CFAP300: variants seen among roughly 807,000 people sequenced by gnomAD.
The protein encoded by CFAP300 is cilia- and flagella-associated protein 300.
A neutral mutation model predicts 33.0 loss-of-function variants in CFAP300; 32 were observed. That is an observed-to-expected ratio of 0.97 (90% CI 0.73 to 1.30). The LOEUF (loss-of-function observed/expected upper bound fraction) is 1.30. Ranked by LOEUF, CFAP300 falls within the 50% of genes most tolerant of loss-of-function variation. The pLI, the probability that CFAP300 is intolerant of heterozygous loss-of-function variation, is 0.00. For missense variants in CFAP300, 356 were observed against 318.1 expected, an observed-to-expected ratio of 1.12 and a Z score of -0.90; for synonymous variants, 102 against 106.8, an observed-to-expected ratio of 0.95 and a Z score of 0.28.
intron 4 of CFAP300, among the ~76,000 whole-genome samples, chr11:102,074,130 C>A (rs964026469): frequency 7.0e-6 from 1 of 142,494 alleles, no homozygotes; most frequent in Non-Finnish European, 1.5e-5. Context: ...GATGCAGGGA[C>A]TTTTGGGCCC....
At chr11:102,047,973 T>G in intron 2 of CFAP300, 77 bp downstream of exon 2, 2 of 1,401,284 alleles carry the variant, frequency 1.4e-6, no homozygotes, top group Non-Finnish European at 2.0e-6. Context: ...TAGATTCTTG[T>G]GAACACGCTA....
In CFAP300 at chr11:102,081,218, T is replaced by C; in HGVS notation, c.612T>C (p.Val204=). Reference sequence around the variant, plus strand: ...CACCTTTTCTTCCTTTTTTTAGTGTTCGAAAGAATCCTCAAACCAAGAAAA... The same window carrying C: ...CACCTTTTCTTCCTTTTTTTAGTGTCCGAAAGAATCCTCAAACCAAGAAAA... The part of the protein sequence containing the change: ...TKLIYKDLVS[V]RKNPQTKKIQ... The change falls in exon 6 of 7, where the codon GTT becomes GTC. Residue 204 remains valine, a synonymous_variant. Transcript: ENST00000434758. The C allele has an allele frequency of 6.2e-7, 1 of 1,607,118 alleles. No individual in the cohort carries two copies. The highest frequency in any genetic ancestry group is 8.5e-7 in the Non-Finnish European group (1 of 1,178,360).
At chr11:102,055,869 C>T (rs1942048787) in intron 2 of CFAP300, among the ~76,000 whole-genome samples, 1 of 151,292 alleles carries the variant, frequency 6.6e-6, no homozygotes, top group Non-Finnish European at 1.5e-5. Context: ...CAGAGTTTCA[C>T]CGTGTTAGTC....
chr11:102,049,566 C>T (rs536396205), intron 2 of CFAP300, among the ~76,000 whole-genome samples: 1 of 152,120 alleles, frequency 6.6e-6, no homozygotes, highest in South Asian at 2.1e-4. Context: ...TATTATAATG[C>T]TACTGATAAT....
At chr11:102,051,312 T>C (rs1941966320) in intron 2 of CFAP300, among the ~76,000 whole-genome samples, 1 of 152,186 alleles carries the variant, frequency 6.6e-6, no homozygotes, top group Non-Finnish European at 1.5e-5. Flanking sequence ...ACCATGGGAC[T>C]GGGGATGATG....
intron 3 of CFAP300, among the ~76,000 whole-genome samples, chr11:102,063,256 C>T (rs1013835348): frequency 3.3e-5 from 5 of 152,242 alleles, no homozygotes; most frequent in Admixed American, 1.3e-4. Context: ...TATCCTTGAG[C>T]ATTTAAGATC....
intron 4 of CFAP300, among the ~76,000 whole-genome samples, chr11:102,072,816 A>G (rs1942333743): frequency 6.6e-6 from 1 of 151,998 alleles, no homozygotes; most frequent in Non-Finnish European, 1.5e-5. Flanking sequence ...AGATGTACTT[A>G]CGGTGTTCGT....
chr11:102,076,882 ATC>A (rs1301176280), intron 5 of CFAP300, among the ~76,000 whole-genome samples: 5 of 152,186 alleles, frequency 3.3e-5, no homozygotes, highest in Admixed American at 6.5e-5. Flanking sequence ...TGTTTCTATA[ATC>A]TCTCTGTGAT....
At chr11:102,047,955 A>T (rs7934495) in intron 2 of CFAP300, 59 bp downstream of exon 2, 2 of 1,538,852 alleles carry the variant, frequency 1.3e-6, no homozygotes, top group East Asian at 2.3e-5. Flanking sequence ...CTTCCCCCCA[A>T]GTTGGCATAG....
chr11:102,081,688 C>T (rs969452635), intron 6 of CFAP300, among the ~76,000 whole-genome samples: 1 of 151,958 alleles, frequency 6.6e-6, no homozygotes, highest in Non-Finnish European at 1.5e-5. Flanking sequence ...CTCAGGAGAT[C>T]GAGACCATCC....
chr11:102,055,047 C>G (rs184467116), intron 2 of CFAP300, among the ~76,000 whole-genome samples: 2 of 150,452 alleles, frequency 1.3e-5, no homozygotes, highest in Admixed American at 1.3e-4. Flanking sequence ...GTGGTGCGAT[C>G]TCAGCTCACT....
intron 6 of CFAP300, among the ~76,000 whole-genome samples, chr11:102,082,335 C>A (rs1942485930): frequency 6.6e-6 from 1 of 150,722 alleles, no homozygotes. Context: ...GTGGTGGTAC[C>A]AATACTGTAC....
chr11:102,080,667 T>A (rs1942460590), intron 5 of CFAP300, among the ~76,000 whole-genome samples: 3 of 152,198 alleles, frequency 2.0e-5, no homozygotes, highest in African/African-American at 7.2e-5. Context: ...CCCAAAGTGC[T>A]GAGATTACAG....
intron 5 of CFAP300, among the ~76,000 whole-genome samples, chr11:102,077,728 C>T (rs957786428): frequency 1.3e-5 from 2 of 152,074 alleles, no homozygotes; most frequent in African/African-American, 4.8e-5. Context: ...GCACAAGCCA[C>T]CATGCCTGGC....
chr11:102,074,865 G>T (rs1235062589), intron 4 of CFAP300, among the ~76,000 whole-genome samples: 1 of 151,938 alleles, frequency 6.6e-6, no homozygotes, highest in Non-Finnish European at 1.5e-5. Flanking sequence ...ACCACGTCCA[G>T]CTTATTTTGG....
chr11:102,082,862 T>A (rs1942494011), intron 6 of CFAP300, among the ~76,000 whole-genome samples: 1 of 152,134 alleles, frequency 6.6e-6, no homozygotes, highest in South Asian at 2.1e-4. Flanking sequence ...CTGGGCATGG[T>A]GGCACATGCC....
chr11:102,069,930 G>A (rs781401359), intron 4 of CFAP300, among the ~76,000 whole-genome samples: 12 of 152,146 alleles, frequency 7.9e-5, no homozygotes, highest in African/African-American at 2.4e-4. Flanking sequence ...TGGCACCATC[G>A]CACTCCAGCC....
At chr11:102,071,823 A>G (rs897697989) in intron 4 of CFAP300, among the ~76,000 whole-genome samples, 2 of 152,128 alleles carry the variant, frequency 1.3e-5, no homozygotes, top group African/African-American at 4.8e-5. Flanking sequence ...TGAGAAATCC[A>G]TTGTGAGTCT....
chr11:102,079,100 T>C (rs1050919458), intron 5 of CFAP300, among the ~76,000 whole-genome samples: 1 of 152,234 alleles, frequency 6.6e-6, no homozygotes, highest in Non-Finnish European at 1.5e-5. Flanking sequence ...ATGAACACTT[T>C]TACAAAGTTT....
Sources: allele counts gnomAD v4.1 joint callset (sites outside exome capture counted in the v4.1 genomes callset), GRCh38; gene constraint gnomAD v4.1.1; transcripts MANE v1.5; gene names NCBI Gene and HGNC (gene_info 2026-07-23, HGNC 2026-07-21).